Variants in IARS1 observed in about 807,000 individuals in gnomAD.
IARS1 encodes isoleucine--tRNA ligase, cytoplasmic.
A neutral mutation model predicts 168.2 loss-of-function variants in IARS1; 124 were observed. That is an observed-to-expected ratio of 0.74 (90% confidence interval 0.64 to 0.86). The LOEUF (loss-of-function observed/expected upper bound fraction) is 0.86, where lower values mean the gene tolerates loss of function less well. Among genes scored for constraint, IARS1 ranks in the 40% least tolerant of loss-of-function variants. IARS1 has a pLI of 0.00. For synonymous variants in IARS1, 532 were observed against 529.4 expected (o/e 1.00, Z -0.07); for missense variants, 1,452 against 1,515.8 (o/e 0.96, Z 0.70).
intron 33 of IARS1, among the ~76,000 whole-genome samples, chr9:92,211,541 CCT>C (rs1837767084): frequency 6.6e-6 from 1 of 151,778 alleles, no homozygotes; most frequent in Non-Finnish European, 1.5e-5. Flanking sequence ...TGGATCTTTC[CCT>C]GAGTAGAATC....
intron 18 of IARS1, among the ~76,000 whole-genome samples, chr9:92,259,566 G>A (rs930889174): frequency 3.3e-5 from 5 of 152,168 alleles, no homozygotes; most frequent in African/African-American, 1.2e-4. Context: ...AATGGCTCCT[G>A]GTCAACAGAG....
At chr9:92,254,659 T>C (rs1311515945) in intron 20 of IARS1, among the ~76,000 whole-genome samples, 2 of 152,218 alleles carry the variant, frequency 1.3e-5, no homozygotes, top group Non-Finnish European at 2.9e-5. Context: ...AGGTTTTCTA[T>C]GTTCTGGTTT....
intron 7 of IARS1, among the ~76,000 whole-genome samples, chr9:92,279,762 T>C (rs1834273341): frequency 6.6e-6 from 1 of 152,226 alleles, no homozygotes; most frequent in Non-Finnish European, 1.5e-5. Context: ...TTCATTTTCC[T>C]ATACTGAAAC....
At chr9:92,277,127 C>T (rs530554808) in intron 9 of IARS1, among the ~76,000 whole-genome samples, 67 of 152,164 alleles carry the variant, frequency 4.4e-4, no homozygotes, top group African/African-American at 1.6e-3. Context: ...AAATATACAC[C>T]TAAAAATCCA....
chr9:92,286,177 G>A (rs1159425462), intron 5 of IARS1: 2 of 282,528 alleles, frequency 7.1e-6, no homozygotes, highest in East Asian at 7.3e-5. Context: ...GACCACCCTG[G>A]CCAACAAGGT....
Position 92,274,507 on chromosome 9 carries a change from G to T in IARS1, c.909C>A (p.Gly303=), listed in dbSNP as rs750537974. The change falls in exon 10 of 34, where the codon GGC becomes GGA. Residue 303 remains glycine (G), a synonymous_variant. Transcript: ENST00000443024. Reference sequence around the variant, plus strand: ...AGTTGTCAACAAGCACAGTGAAAGCGCCATTCTCTTTACACTGGAAAGAAA... The same window carrying T: ...AGTTGTCAACAAGCACAGTGAAAGCTCCATTCTCTTTACACTGGAAAGAAA... ...FDYFLKCKEN[G]AFTVLVDNYV... 6.2e-7 allele frequency: 1 copy of T among 1,613,156 alleles called. No homozygotes were observed. The highest frequency in any genetic ancestry group is 1.7e-5 in the Admixed American group (1 of 60,008).
chr9:92,274,350 G>A (rs1210608252), intron 10 of IARS1, 76 bp downstream of exon 10: 1 of 1,103,500 alleles, frequency 9.1e-7, no homozygotes. Flanking sequence ...CCAACATGAT[G>A]AGACACAGGA....
chr9:92,220,162 G>A (rs1175924), intron 33 of IARS1, among the ~76,000 whole-genome samples: 15,425 of 146,686 alleles, frequency 0.11, 841 homozygotes, highest in South Asian at 0.19. Context: ...GTAAACTATC[G>A]CAAGAACAAA....
chr9:92,287,606 C>T (rs1835654935), intron 4 of IARS1, 185 bp downstream of exon 4: 2 of 515,216 alleles, frequency 3.9e-6, no homozygotes, highest in Admixed American at 4.0e-5. Flanking sequence ...ATTAAGCACA[C>T]AGAAGTCAGA....
intron 6 of IARS1, among the ~76,000 whole-genome samples, chr9:92,283,981 G>A (rs898897897): frequency 1.3e-5 from 2 of 152,184 alleles, no homozygotes; most frequent in African/African-American, 4.8e-5. Context: ...AAGAGTTCAA[G>A]ACCAGCCCAG....
chr9:92,228,153 T>A (rs1191362038), intron 31 of IARS1, among the ~76,000 whole-genome samples: 1 of 152,128 alleles, frequency 6.6e-6, no homozygotes, highest in Non-Finnish European at 1.5e-5. Context: ...GATGGCCACC[T>A]TCTTATAATG....
chr9:92,220,836 G>A lies in IARS1; in HGVS notation c.3706+1684C>T, dbSNP rs545916418. Among the ~76,000 whole-genome samples the A allele has an allele frequency of 2.4e-4, 36 of 151,770 alleles. No individual in the cohort carries two copies. In the South Asian group the frequency reaches 5.2e-3, roughly 22 times the overall value. On this transcript the variant is annotated intron_variant, in intron 33 of 33. Transcript: ENST00000443024. ...TTTAAAATTAGCTGGGCATGGTGGC[G>A]CGTGCCTGTAGTCCTAGCTAGGGAG...
chr9:92,277,918 G>A lies in IARS1; in HGVS notation c.839C>T (p.Pro280Leu), dbSNP rs76462374. The stretch of plus-strand genomic sequence containing the variant: ...CTTCTTGCCTTTAAGATAGGCACCA[G>A]GAAATCTAGAAAAGGAGAAAGGCAA... Reference protein sequence around the residue: ...ESDYEILERFPGAYLKGKKYR... With the variant: ...ESDYEILERFLGAYLKGKKYR... Residue 280 changes from proline (P) to leucine (L), a missense_variant, in exon 9 of 34, where the codon CCT becomes CTT. Physicochemically the swap from Pro to Leu is moderately conservative, Grantham distance 98 (BLOSUM62 -3). Transcript: ENST00000443024. The A allele has an allele frequency of 2.5e-6, 4 of 1,613,588 alleles. No individual in the cohort carries two copies. In the South Asian group the frequency reaches 4.4e-5, roughly 18 times the overall value.
At chr9:92,214,322 CA>C (rs937092074) in intron 33 of IARS1, among the ~76,000 whole-genome samples, 11 of 151,996 alleles carry the variant, frequency 7.2e-5, no homozygotes, top group African/African-American at 2.4e-4. Context: ...TTGGGAGGCC[CA>C]AGTGGGTGGA....
chr9:92,246,684 T>A (rs180839721), intron 26 of IARS1, among the ~76,000 whole-genome samples: 2 of 152,174 alleles, frequency 1.3e-5, no homozygotes, highest in East Asian at 3.9e-4. Flanking sequence ...GTAACTGGGA[T>A]GGCAGGCACA....
chr9:92,236,809 A>G (rs997264674), intron 30 of IARS1, among the ~76,000 whole-genome samples: 3 of 152,216 alleles, frequency 2.0e-5, no homozygotes, highest in African/African-American at 7.2e-5. Flanking sequence ...AGTTGGCATC[A>G]CTGCACTGTC....
intron 4 of IARS1, 25 bp downstream of exon 4, chr9:92,287,766 T>C (rs375320683): frequency 2.5e-6 from 4 of 1,601,854 alleles, no homozygotes; most frequent in Non-Finnish European, 2.6e-6. Context: ...TTGCTGTTCA[T>C]TCTACTGAAA....
intron 31 of IARS1, 37 bp downstream of exon 31, chr9:92,228,964 A>G: frequency 1.2e-6 from 2 of 1,611,470 alleles, no homozygotes; most frequent in Non-Finnish European, 1.7e-6. Context: ...ATCCATCTTG[A>G]GTCAAAGGAC....
chr9:92,274,360 A>C, intron 10 of IARS1, 66 bp downstream of exon 10: 2 of 1,188,612 alleles, frequency 1.7e-6, no homozygotes, highest in Non-Finnish European at 1.3e-6. Flanking sequence ...GAGACACAGG[A>C]CTCCGCATCT....
Sources: gnomAD v4.1 joint callset for allele counts (sites outside exome capture counted in the v4.1 genomes callset) on GRCh38, gnomAD v4.1.1 for gene constraint, MANE v1.5 for transcripts, NCBI Gene and HGNC (gene_info 2026-07-23, HGNC 2026-07-21) for gene names.